The following SLCO3A1 variants were observed in gnomAD, a reference collection of about 807,000 sequenced individuals.
SLCO3A1 encodes solute carrier organic anion transporter family member 3A1.
A neutral mutation model predicts 63.1 loss-of-function variants in SLCO3A1; 27 were observed. The observed-to-expected ratio is 0.43, with a 90% CI of 0.32 to 0.59. The LOEUF is 0.59. Ranked by LOEUF, SLCO3A1 falls within the 20% of genes least tolerant of loss-of-function variation. The pLI is 0.09. For synonymous variants in SLCO3A1, 473 were observed against 409.9 expected, an observed-to-expected ratio of 1.15 and a Z score of -1.86; for missense variants, 773 against 945.8, an observed-to-expected ratio of 0.82 and a Z score of 2.40.
intron 2 of SLCO3A1, among the ~76,000 whole-genome samples, chr15:92,070,850 A>G (rs1290881971): frequency 6.6e-6 from 1 of 152,198 alleles, no homozygotes; most frequent in Non-Finnish European, 1.5e-5. Context: ...ATTTAAAAAC[A>G]TCTGTTAGAT....
rs1427829882 is a variant in SLCO3A1 at position 92,121,955 on chromosome 15, T to C, written c.1174+1326T>C. 5.9e-5 allele frequency among the ~76,000 whole-genome samples: 9 copies of C among 152,056 alleles called. 1 individual carries two copies. Among genetic ancestry groups the C allele is most frequent in the Admixed American group, 5.9e-4 (9 of 15,270 alleles). ...GGCAGCGGTGGCACCCGTTCTGTGG[T>C]GTGGAGGGAAGCCCACGAGAGGGAA... On this transcript the variant is annotated intron_variant, in intron 5 of 9. Transcript: ENST00000318445.
At chr15:91,891,595 G>T (rs940909870) in intron 1 of SLCO3A1, among the ~76,000 whole-genome samples, 5 of 152,146 alleles carry the variant, frequency 3.3e-5, no homozygotes, top group Non-Finnish European at 5.9e-5. Context: ...GTTAATTCCA[G>T]GGTCAGCTTC....
At position 91,865,574 on chromosome 15, in the gene SLCO3A1, C is replaced by G. The variant is rs1382816178; in HGVS notation, c.180+11486C>G. 2.6e-5 allele frequency among the ~76,000 whole-genome samples: 4 copies of G among 152,226 alleles called. No homozygotes were observed. Among genetic ancestry groups the G allele is most frequent in the Non-Finnish European group, 4.4e-5 (3 of 68,034 alleles). On this transcript the variant is annotated intron_variant, in intron 1 of 9. Coordinates refer to ENST00000318445, the MANE Select transcript of SLCO3A1 (RefSeq NM_013272.4). The surrounding 1 kb of genome is among the most constrained non-coding windows in gnomAD (Gnocchi z 4.6). ...CTCCCTCCTAGACCCTGCGTAGAAC[C>G]CTTCCTTGCCTCTTCATGGCATGTG...
At chr15:92,035,103 A>G (rs2046708300) in intron 2 of SLCO3A1, among the ~76,000 whole-genome samples, 1 of 151,800 alleles carries the variant, frequency 6.6e-6, no homozygotes, top group South Asian at 2.1e-4. Context: ...AACTGTGGGT[A>G]GTTACTCCAG....
At chr15:92,105,166 T>C (rs771348585) in intron 4 of SLCO3A1, among the ~76,000 whole-genome samples, 1 of 152,016 alleles carries the variant, frequency 6.6e-6, no homozygotes, top group South Asian at 2.1e-4. Flanking sequence ...CTCGGGAGGC[T>C]GAGGCAGGAG....
At chr15:91,962,355 T>C (rs918788850) in intron 2 of SLCO3A1, among the ~76,000 whole-genome samples, 4 of 151,830 alleles carry the variant, frequency 2.6e-5, no homozygotes, top group African/African-American at 9.7e-5. Flanking sequence ...GGCACATGCC[T>C]GTGATCCCAG....
At chr15:92,112,149 C>T (rs2047736929) in intron 4 of SLCO3A1, among the ~76,000 whole-genome samples, 1 of 152,054 alleles carries the variant, frequency 6.6e-6, no homozygotes, top group South Asian at 2.1e-4. Flanking sequence ...AGCAGGATCC[C>T]CGTGGATGGA....
intron 7 of SLCO3A1, among the ~76,000 whole-genome samples, chr15:92,144,996 C>G (rs1034770603): frequency 3.9e-5 from 6 of 152,042 alleles, no homozygotes; most frequent in Non-Finnish European, 7.4e-5. Flanking sequence ...GAGAAGGTAC[C>G]AGCAACAAAG....
At chr15:92,116,545 A>G (rs990502282) in intron 4 of SLCO3A1, among the ~76,000 whole-genome samples, 41 of 152,320 alleles carry the variant, frequency 2.7e-4, no homozygotes, top group African/African-American at 9.6e-4. Flanking sequence ...CATGGCTAAG[A>G]GAGTCTGCAG....
At chr15:91,946,267 A>T (rs1216098832) in intron 2 of SLCO3A1, among the ~76,000 whole-genome samples, 1 of 152,206 alleles carries the variant, frequency 6.6e-6, no homozygotes, top group African/African-American at 2.4e-5. Flanking sequence ...CCAGCTGGTC[A>T]GTGGCAGGGA....
rs149554335 is a variant in SLCO3A1 at position 91,860,741 on chromosome 15, C to G, written c.180+6653C>G. On this transcript the variant is annotated intron_variant, in intron 1 of 9. Transcript: ENST00000318445. This position sits in a 1 kb window ranked among gnomAD's most constrained non-coding sequence, Gnocchi z 5.5. ...TTGTTTAAAACGTGCCTTCGCAGAG[C>G]TCAGCCTTGGTTGCCCAGAGGGGCT... Among the ~76,000 whole-genome samples, 16 of 152,380 alleles carry G rather than the reference C, an allele frequency of 1.1e-4. No homozygotes were observed. In the East Asian group the frequency reaches 2.7e-3, roughly 26 times the overall value.
chr15:92,027,607 C>T (rs536139312), intron 2 of SLCO3A1, among the ~76,000 whole-genome samples: 2 of 152,268 alleles, frequency 1.3e-5, no homozygotes, highest in Admixed American at 6.5e-5. Context: ...TTGCTCCCGA[C>T]GCATGCATTA....
intron 2 of SLCO3A1, among the ~76,000 whole-genome samples, chr15:92,001,022 A>G (rs144173047): frequency 6.6e-6 from 1 of 151,906 alleles, no homozygotes; most frequent in South Asian, 2.1e-4. Context: ...TAAATATGCA[A>G]TTTACCTTGT....
chr15:91,925,135 A>G (rs1268282775), intron 2 of SLCO3A1, among the ~76,000 whole-genome samples: 2 of 152,242 alleles, frequency 1.3e-5, no homozygotes. Flanking sequence ...TGGCACAGGT[A>G]TTGTTCTTAA....
Position 91,950,912 on chromosome 15 carries a change from A to G in SLCO3A1, c.646+34454A>G, listed in dbSNP as rs559067094. ...TTATATCCAATCTGAGAAAGAAAGAAAAAAAAAAAAGTATTTCTCTGGCTT... is the reference window on the plus strand; with the variant it reads ...TTATATCCAATCTGAGAAAGAAAGAGAAAAAAAAAAGTATTTCTCTGGCTT... On this transcript the variant is annotated intron_variant, in intron 2 of 9. Coordinates refer to ENST00000318445, the MANE Select transcript of SLCO3A1 (RefSeq NM_013272.4). This position sits in a 1 kb window ranked among gnomAD's most constrained non-coding sequence, Gnocchi z 4.4. 1.5e-5 allele frequency among the ~76,000 whole-genome samples: 2 copies of G among 131,772 alleles called. No homozygotes were observed. Among genetic ancestry groups the G allele is most frequent in the African/African-American group, 5.3e-5 (2 of 37,978 alleles). The allele number at this position is 131,772 out of a possible 152,430, so 86.4% of individuals were successfully genotyped here.
At chr15:91,969,123 TACA>T (rs1209890239) in intron 2 of SLCO3A1, among the ~76,000 whole-genome samples, 4 of 152,222 alleles carry the variant, frequency 2.6e-5, no homozygotes, top group African/African-American at 9.6e-5. Flanking sequence ...TTTCGTTGTA[TACA>T]GCACATGTAC....
At chr15:91,861,766 G>A (rs1038897926) in intron 1 of SLCO3A1, among the ~76,000 whole-genome samples, 7 of 151,868 alleles carry the variant, frequency 4.6e-5, no homozygotes, top group Admixed American at 1.3e-4. Context: ...TGGGACTACC[G>A]GCACATACCA....
chr15:91,931,800 C>T (rs543751629), intron 2 of SLCO3A1, among the ~76,000 whole-genome samples: 9 of 135,500 alleles, frequency 6.6e-5, no homozygotes, highest in Admixed American at 2.8e-4. Flanking sequence ...CACACACACA[C>T]GCACACACAC....
intron 2 of SLCO3A1, among the ~76,000 whole-genome samples, chr15:92,081,234 C>T (rs2047341537): frequency 6.6e-6 from 1 of 152,160 alleles, no homozygotes; most frequent in African/African-American, 2.4e-5. Flanking sequence ...TCCCCACCTC[C>T]CCTGCCCCCT....
Sources: gnomAD v4.1 joint callset for allele counts (sites outside exome capture counted in the v4.1 genomes callset) on GRCh38, gnomAD v4.1.1 for gene constraint, Gnocchi (gnomAD v3.1) non-coding constraint, MANE v1.5 for transcripts, NCBI Gene and HGNC (gene_info 2026-07-23, HGNC 2026-07-21) for gene names.